Variants in GPC5 observed in about 807,000 individuals in gnomAD.
GPC5 encodes glypican-5.
GPC5 carries 47 observed loss-of-function variants against 53.9 expected under a neutral mutation model. That is an observed-to-expected ratio of 0.87 (90% CI 0.69 to 1.11). The LOEUF (loss-of-function observed/expected upper bound fraction) is 1.11, where lower values mean the gene tolerates loss of function less well. Ranked by LOEUF, GPC5 falls within the 50% of genes most tolerant of loss-of-function variation. GPC5 has a pLI of 0.00. For missense variants in GPC5, 748 were observed against 713.1 expected, an observed-to-expected ratio of 1.05 and a Z score of -0.56; for synonymous variants, 286 against 263.3, an observed-to-expected ratio of 1.09 and a Z score of -0.84.
At chr13:91,842,673 C>T (rs1390026695) in intron 5 of GPC5, among the ~76,000 whole-genome samples, 1 of 123,330 alleles carries the variant, frequency 8.1e-6, no homozygotes, top group Non-Finnish European at 1.6e-5. Flanking sequence ...CTGCACCACT[C>T]CAACCTGGGA....
At chr13:91,932,162 G>A (rs2039828201) in intron 6 of GPC5, among the ~76,000 whole-genome samples, 1 of 151,996 alleles carries the variant, frequency 6.6e-6, no homozygotes, top group Non-Finnish European at 1.5e-5. Context: ...AGAATCCAAT[G>A]TTGTATTTTC....
intron 3 of GPC5, among the ~76,000 whole-genome samples, chr13:91,695,555 T>C (rs552985724): frequency 6.6e-6 from 1 of 152,028 alleles, no homozygotes; most frequent in East Asian, 1.9e-4. Flanking sequence ...TTGTATTTTT[T>C]TAGTAGAGAG....
At chr13:91,424,614 G>A (rs1053822523) in intron 1 of GPC5, among the ~76,000 whole-genome samples, 3 of 151,978 alleles carry the variant, frequency 2.0e-5, no homozygotes, top group African/African-American at 7.2e-5. Context: ...TGATCCACCC[G>A]CCTCGGCCTC....
chr13:92,438,200 G>C (rs759095741), intron 7 of GPC5, among the ~76,000 whole-genome samples: 1 of 151,698 alleles, frequency 6.6e-6, no homozygotes, highest in Non-Finnish European at 1.5e-5. Flanking sequence ...TAAAATACGA[G>C]CTGTATAAGG....
intron 7 of GPC5, among the ~76,000 whole-genome samples, chr13:92,739,395 T>C (rs1889027257): frequency 1.3e-5 from 2 of 152,142 alleles, no homozygotes; most frequent in South Asian, 4.1e-4. Context: ...CCCATGATAG[T>C]TGCTGATAAG....
Position 91,551,718 on chromosome 13 carries a change from G to A in GPC5, c.325+102796G>A, listed in dbSNP as rs149537887. 8.9e-4 allele frequency among the ~76,000 whole-genome samples: 135 copies of A among 152,090 alleles called. 3 individuals carry two copies. The highest frequency in any genetic ancestry group is 6.8e-3 in the Middle Eastern group (2 of 294). On this transcript the variant is annotated intron_variant, in intron 2 of 7. Coordinates refer to ENST00000377067, the MANE Select transcript of GPC5 (RefSeq NM_004466.6). Reference sequence around the variant, plus strand: ...TTTCTGTTTGTTCTGCAGAGACATCGAAAAAGTAGAACTTTTGAATTTGAA... The same window carrying A: ...TTTCTGTTTGTTCTGCAGAGACATCAAAAAAGTAGAACTTTTGAATTTGAA...
intron 7 of GPC5, among the ~76,000 whole-genome samples, chr13:92,381,565 G>C (rs1299358304): frequency 6.6e-6 from 1 of 151,900 alleles, no homozygotes; most frequent in African/African-American, 2.4e-5. Context: ...ATGTAAACTA[G>C]TACAACTACT....
At chr13:91,816,721 TGAG>T (rs1204631475) in intron 5 of GPC5, among the ~76,000 whole-genome samples, 4 of 152,240 alleles carry the variant, frequency 2.6e-5, no homozygotes, top group Admixed American at 6.5e-5. Context: ...CCTACAACAG[TGAG>T]AGTATCAAAT....
At chr13:91,740,240 G>C (rs945442475) in intron 4 of GPC5, among the ~76,000 whole-genome samples, 2 of 152,152 alleles carry the variant, frequency 1.3e-5, no homozygotes, top group Non-Finnish European at 2.9e-5. Context: ...AATAAATGCA[G>C]AATGAGAGTA....
intron 1 of GPC5, among the ~76,000 whole-genome samples, chr13:91,441,248 GT>G (rs1231733666): frequency 2.0e-5 from 3 of 151,974 alleles, no homozygotes; most frequent in African/African-American, 4.8e-5. Flanking sequence ...GACCCTTTTT[GT>G]TTTTTGGACA....
chr13:92,420,979 G>A (rs1003267496), intron 7 of GPC5, among the ~76,000 whole-genome samples: 2 of 152,180 alleles, frequency 1.3e-5, no homozygotes, highest in South Asian at 4.1e-4. Flanking sequence ...GCTAAAGAAT[G>A]CTAACTAGCC....
intron 2 of GPC5, among the ~76,000 whole-genome samples, chr13:91,612,697 A>G (rs1049363117): frequency 5.3e-5 from 8 of 152,204 alleles, no homozygotes; most frequent in Admixed American, 5.2e-4. Context: ...ATGCAGGCCA[A>G]TACAATGAGA....
intron 6 of GPC5, among the ~76,000 whole-genome samples, chr13:92,073,794 C>A (rs72635453): frequency 0.017 from 2,585 of 152,230 alleles, 35 homozygotes; most frequent in African/African-American, 0.04. Context: ...GTGTCCCCAC[C>A]TAAATCGCAT....
At chr13:92,496,012 T>C (rs149863136) in intron 7 of GPC5, among the ~76,000 whole-genome samples, 22 of 152,270 alleles carry the variant, frequency 1.4e-4, no homozygotes, top group African/African-American at 5.3e-4. Context: ...AATGTTCTTG[T>C]ATTTTCTCTT....
At chr13:91,514,914 A>G (rs1885413555) in intron 2 of GPC5, among the ~76,000 whole-genome samples, 1 of 152,236 alleles carries the variant, frequency 6.6e-6, no homozygotes, top group South Asian at 2.1e-4. Flanking sequence ...AATAAAGTCT[A>G]GAACTAAAGA....
intron 5 of GPC5, among the ~76,000 whole-genome samples, chr13:91,874,006 G>A (rs2039176475): frequency 6.6e-6 from 1 of 152,028 alleles, no homozygotes; most frequent in African/African-American, 2.4e-5. Flanking sequence ...AATGTCTCTG[G>A]GCCTCAGTTT....
chr13:92,051,488 C>T (rs2041029151), intron 6 of GPC5, among the ~76,000 whole-genome samples: 2 of 151,614 alleles, frequency 1.3e-5, no homozygotes, highest in Non-Finnish European at 2.9e-5. Flanking sequence ...GCATGAGCTA[C>T]TGCACCCGGA....
chr13:92,828,303 G>A (rs900341261), intron 7 of GPC5, among the ~76,000 whole-genome samples: 8 of 152,096 alleles, frequency 5.3e-5, no homozygotes, highest in African/African-American at 1.7e-4. Flanking sequence ...CCTGTTTTAT[G>A]TAAATGTGAA....
chr13:92,788,414 C>T (rs1891840622), intron 7 of GPC5, among the ~76,000 whole-genome samples: 1 of 152,082 alleles, frequency 6.6e-6, no homozygotes, highest in South Asian at 2.1e-4. Context: ...ATAAATATTA[C>T]ACATTTCAAA....
Sources: allele counts gnomAD v4.1 joint callset (sites outside exome capture counted in the v4.1 genomes callset), GRCh38; gene constraint gnomAD v4.1.1; transcripts MANE v1.5; gene names NCBI Gene and HGNC (gene_info 2026-07-23, HGNC 2026-07-21).